The following UBP1 variants were observed in gnomAD, a reference collection of about 807,000 sequenced individuals.
The protein encoded by UBP1 is upstream binding protein 1, also known as upstream-binding protein 1.
Under a neutral mutation model 76.1 loss-of-function variants are expected in UBP1, and 22 were observed. The ratio of observed to expected loss-of-function variants is 0.29; its 90% CI spans 0.21 to 0.41. The LOEUF is 0.41. UBP1 is among the 10% of genes least tolerant of loss of function. The pLI is 1.00. For synonymous variants in UBP1, 224 were observed against 237.1 expected, an observed-to-expected ratio of 0.94 and a Z score of 0.51; for missense variants, 436 against 668.1, an observed-to-expected ratio of 0.65 and a Z score of 3.83.
At chr3:33,397,220 T>C in intron 11 of UBP1, 85 bp from the exon 12 acceptor site, 2 of 1,001,624 alleles carry the variant, frequency 2.0e-6, no homozygotes, top group Non-Finnish European at 2.9e-6. Context: ...TGCAGTCCAA[T>C]GTCCTTCAAA....
intron 11 of UBP1, 46 bp downstream of exon 11, chr3:33,400,141 CAA>C (rs748997157): frequency 3.9e-6 from 5 of 1,268,334 alleles, no homozygotes. Context: ...AGCACAGAAA[CAA>C]AAACAAAACA....
At position 33,409,787 on chromosome 3, in the gene UBP1, T is replaced by A. The variant is rs528250374; in HGVS notation, c.556-186A>T. On this transcript the variant is annotated intron_variant, in intron 5 of 15. Transcript: ENST00000283629. ...TAAGATATGGCTTCCCTCTCACAAA[T>A]CCAACTGAGCCTCTCCAGACTTTCT... Among the ~76,000 whole-genome samples the A allele has an allele frequency of 2.6e-5, 4 of 152,334 alleles. No homozygotes were observed. The East Asian group carries it at 7.7e-4, about 29-fold the overall frequency.
chr3:33,437,031 C>A (rs910313890), intron 1 of UBP1, among the ~76,000 whole-genome samples: 2 of 152,250 alleles, frequency 1.3e-5, no homozygotes, highest in South Asian at 4.1e-4. Flanking sequence ...GAATCTGCTG[C>A]AGTTCACATC....
chr3:33,426,266 T>G (rs949620371), intron 1 of UBP1, among the ~76,000 whole-genome samples: 3 of 151,908 alleles, frequency 2.0e-5, no homozygotes, highest in Non-Finnish European at 4.4e-5. Flanking sequence ...TGAAGCTTCA[T>G]GCCTAATCTA....
At chr3:33,400,643 G>A (rs1299190284) in intron 10 of UBP1, among the ~76,000 whole-genome samples, 1 of 152,006 alleles carries the variant, frequency 6.6e-6, no homozygotes, top group Non-Finnish European at 1.5e-5. Flanking sequence ...GGAGAGAGTG[G>A]AAAAATAGGT....
chr3:33,394,445 TAA>T (rs1418575755), intron 13 of UBP1, among the ~76,000 whole-genome samples: 1 of 152,094 alleles, frequency 6.6e-6, no homozygotes, highest in African/African-American at 2.4e-5. Flanking sequence ...AAATTTTAAA[TAA>T]AAGATACTAT....
chr3:33,394,520 C>CATAG (rs1359362347), intron 13 of UBP1, among the ~76,000 whole-genome samples: 1 of 152,026 alleles, frequency 6.6e-6, no homozygotes, highest in African/African-American at 2.4e-5. Flanking sequence ...AGCCACATTC[C>CATAG]AGTGTTCTGC....
chr3:33,426,909 T>C (rs566142631), intron 1 of UBP1, among the ~76,000 whole-genome samples: 2 of 152,212 alleles, frequency 1.3e-5, no homozygotes, highest in East Asian at 3.8e-4. Flanking sequence ...AGATAAATTC[T>C]GCTAAGTATA....
intron 1 of UBP1, among the ~76,000 whole-genome samples, chr3:33,438,409 T>C (rs1056046919): frequency 6.6e-6 from 1 of 152,226 alleles, no homozygotes; most frequent in African/African-American, 2.4e-5. Flanking sequence ...AGAATGGCAC[T>C]AGAGGAGTGC....
At chr3:33,440,791 G>T (rs2045288076), upstream of UBP1, 2 of 152,254 alleles carry the variant, frequency 1.3e-5, no homozygotes, top group African/African-American at 4.8e-5. Context: ...CCAAAAGAAA[G>T]AGTTCATTGG....
intron 4 of UBP1, among the ~76,000 whole-genome samples, chr3:33,412,074 C>T (rs1412836062): frequency 6.6e-6 from 1 of 151,498 alleles, no homozygotes; most frequent in Non-Finnish European, 1.5e-5. Context: ...GTAGTCCCAG[C>T]TACTCAAAAG....
intron 8 of UBP1, among the ~76,000 whole-genome samples, chr3:33,408,365 A>G (rs1438660432): frequency 6.6e-6 from 1 of 152,112 alleles, no homozygotes; most frequent in East Asian, 1.9e-4. Flanking sequence ...GTGCTCTTGA[A>G]GGAGGTGTGT....
At position 33,408,809 on chromosome 3, in the gene UBP1, C is replaced by T. The variant is rs2044497342; in HGVS notation, c.820-12G>A. 1.2e-6 allele frequency: 2 copies of T among 1,606,934 alleles called. No homozygotes were observed. The highest frequency in any genetic ancestry group is 8.5e-7 in the Non-Finnish European group (1 of 1,173,980). On this transcript the variant is annotated splice_polypyrimidine_tract_variant and intron_variant, in intron 7 of 15. Coordinates refer to ENST00000283629, the MANE Select transcript of UBP1 (RefSeq NM_014517.5). ...GGCTCAAGCCTCATCTGGACAAACA[C>T]CAAAGATTGGGATCAATGTCTTTTC... is the stretch of plus-strand genomic sequence containing the variant.
chr3:33,390,374 G>C lies in UBP1; in HGVS notation c.1586-6C>G, dbSNP rs1161222958. 9.3e-6 allele frequency: 15 copies of C among 1,613,802 alleles called. No individual in the cohort carries two copies. Among genetic ancestry groups the C allele is most frequent in the Non-Finnish European group, 1.3e-5 (15 of 1,179,960 alleles). ...GATGCCATCACTACTTTCAGCTGCA[G>C]AAAAAGGAAAGACAGTATTTCTTCA... On this transcript the variant is annotated splice_polypyrimidine_tract_variant and splice_region_variant and intron_variant, in intron 15 of 15. Coordinates refer to ENST00000283629, the MANE Select transcript of UBP1 (RefSeq NM_014517.5).
Position 33,440,279 on chromosome 3 carries a change from T to G in UBP1, c.-431A>C, listed in dbSNP as rs1358705707. ...CCCGCCCGTCACCCGCCCCCAAGCCTTGACTCCTTGCCCCCGGCCCGCCCA... is the reference window on the plus strand; with the variant it reads ...CCCGCCCGTCACCCGCCCCCAAGCCGTGACTCCTTGCCCCCGGCCCGCCCA... On this transcript the variant is annotated 5_prime_UTR_variant, in exon 1 of 16. Coordinates refer to ENST00000283629, the MANE Select transcript of UBP1 (RefSeq NM_014517.5). 9.5e-6 allele frequency: 1 copy of G among 105,070 alleles called. No homozygotes were observed. Among genetic ancestry groups the G allele is most frequent in the Admixed American group, 1.1e-4 (1 of 9,162 alleles). 6.5% of individuals were successfully genotyped at this position (105,070 alleles called of 1,614,324 possible).
intron 15 of UBP1, chr3:33,391,053 G>A (rs2043744945): frequency 1.3e-5 from 2 of 152,274 alleles, no homozygotes; most frequent in Non-Finnish European, 2.9e-5. Flanking sequence ...GTTATGCAAG[G>A]TAAAAACTGT....
intron 13 of UBP1, 61 bp from the exon 14 acceptor site, chr3:33,393,515 C>A: frequency 6.5e-7 from 1 of 1,536,356 alleles, no homozygotes; most frequent in South Asian, 1.2e-5. Context: ...TGTTTTCTGC[C>A]TGATCTGTAG....
intron 1 of UBP1, among the ~76,000 whole-genome samples, chr3:33,437,805 A>C (rs2045226352): frequency 6.6e-6 from 1 of 152,138 alleles, no homozygotes; most frequent in African/African-American, 2.4e-5. Flanking sequence ...GCAGCAGCTA[A>C]CGCCTTCTTC....
intron 3 of UBP1, among the ~76,000 whole-genome samples, chr3:33,415,513 A>G (rs958790126): frequency 3.9e-5 from 6 of 152,228 alleles, no homozygotes; most frequent in African/African-American, 1.4e-4. Context: ...AACTCATGAT[A>G]TATACCAGAT....
Sources: allele counts gnomAD v4.1 joint callset (sites outside exome capture counted in the v4.1 genomes callset), GRCh38; gene constraint gnomAD v4.1.1; transcripts MANE v1.5; gene names NCBI Gene and HGNC (gene_info 2026-07-23, HGNC 2026-07-21).